TACR1: variants seen among roughly 807,000 people sequenced by gnomAD.
TACR1 encodes tachykinin receptor 1.
A neutral mutation model predicts 35.8 loss-of-function variants in TACR1; 25 were observed. The observed-to-expected ratio is 0.70, with a 90% CI of 0.51 to 0.98. The LOEUF is 0.98. TACR1 is among the 50% of genes least tolerant of loss of function. The pLI is 0.00. For missense variants in TACR1, 478 were observed against 522.9 expected (o/e 0.91, Z 0.84); for synonymous variants, 195 against 206.7 (o/e 0.94, Z 0.48).
At position 75,199,409 on chromosome 2, in the gene TACR1, A is replaced by G. The variant is rs116594902; in HGVS notation, c.-475T>C. The G allele has an allele frequency of 4.2e-4, 67 of 157,828 alleles. No individual in the cohort carries two copies. Among genetic ancestry groups the G allele is most frequent in the African/African-American group, 1.5e-3 (63 of 41,632 alleles). 9.8% of individuals were successfully genotyped at this position (157,828 alleles called of 1,614,324 possible). ...CGCGACCTGTAAAAGTTCTGAGCCT[A>G]TGGCCAGGATTCTGGAGCTTCGTAT... On this transcript the variant is annotated 5_prime_UTR_variant, in exon 1 of 5. Transcript: ENST00000305249.
rs760629132 is a variant in TACR1, at chr2:75,051,276, TG to T, written c.906del (p.Ile303SerfsTer34). On this transcript the variant is annotated frameshift_variant, in exon 4 of 5. Transcript: ENST00000305249. LOFTEE classifies it high-confidence loss of function. ...WLAMSSTMYN[P>X]IIYCCLNDRF... ...CTGTCATTGAGGCAGCAGTAGATGATGGGGTTGTACATGGTGGAGCTCATGG... is the reference window on the plus strand; with the variant it reads ...CTGTCATTGAGGCAGCAGTAGATGATGGGTTGTACATGGTGGAGCTCATGG... 2 of 1,614,132 alleles carry T rather than the reference TG, an allele frequency of 1.2e-6. No homozygotes were observed. The highest frequency in any genetic ancestry group is 1.3e-5 in the African/African-American group (1 of 75,026).
At chr2:75,059,865 A>G (rs757011248) in intron 2 of TACR1, among the ~76,000 whole-genome samples, 1 of 152,146 alleles carries the variant, frequency 6.6e-6, no homozygotes, top group Non-Finnish European at 1.5e-5. Context: ...TTCTCACAGC[A>G]TGGTGCTAGA....
chr2:75,061,974 T>G (rs561545622), intron 2 of TACR1, among the ~76,000 whole-genome samples: 2 of 152,304 alleles, frequency 1.3e-5, no homozygotes, highest in South Asian at 4.1e-4. Context: ...GATTAAATGT[T>G]CCTTCTAGGC....
Position 75,051,335 on chromosome 2 carries a change from A to T in TACR1, c.848T>A (p.Ile283Asn). Reference protein sequence around the residue: ...INPDLYLKKFIQQVYLAIMWL... With the variant: ...INPDLYLKKFNQQVYLAIMWL... ...CATGATGGCCAGGTAGACCTGCTGG[A>T]TAAACTTCTTCAGGTAGAGATCTGG... Residue 283 changes from isoleucine to asparagine, a missense_variant, in exon 4 of 5, where the codon ATC becomes AAC. By Grantham distance (149) the Ile-to-Asn change is moderately radical. Transcript: ENST00000305249. 1 of 1,614,204 alleles carries T rather than the reference A, an allele frequency of 6.2e-7. No homozygotes were observed. Among genetic ancestry groups the T allele is most frequent in the Non-Finnish European group, 8.5e-7 (1 of 1,180,026 alleles).
At chr2:75,190,746 A>C (rs1675823387) in intron 1 of TACR1, among the ~76,000 whole-genome samples, 2 of 152,208 alleles carry the variant, frequency 1.3e-5, no homozygotes. Context: ...GCATATGTAC[A>C]CATAGCTACT....
At chr2:75,091,226 A>AG (rs1673305884) in intron 2 of TACR1, among the ~76,000 whole-genome samples, 1 of 146,364 alleles carries the variant, frequency 6.8e-6, no homozygotes, top group South Asian at 2.2e-4. Context: ...AAAAAAAAAA[A>AG]TCTCCCCTGA....
chr2:75,053,838 A>G, intron 2 of TACR1, 83 bp from the exon 3 acceptor site: 1 of 1,553,832 alleles, frequency 6.4e-7, no homozygotes. Flanking sequence ...ATTGCAGTCA[A>G]GGTTTGGCAG....
At chr2:75,088,737 G>A (rs1255025207) in intron 2 of TACR1, among the ~76,000 whole-genome samples, 1 of 152,022 alleles carries the variant, frequency 6.6e-6, no homozygotes, top group Non-Finnish European at 1.5e-5. Context: ...GGGTTTAGGC[G>A]GATCGGTGAC....
intron 2 of TACR1, among the ~76,000 whole-genome samples, chr2:75,111,103 ATATAT>A (rs1346145504): frequency 1.3e-5 from 2 of 151,884 alleles, no homozygotes; most frequent in Admixed American, 1.3e-4. Flanking sequence ...AGTTTTTCTC[ATATAT>A]TATAATCTTT....
chr2:75,149,750 G>T (rs1370650733), intron 1 of TACR1, among the ~76,000 whole-genome samples: 2 of 152,132 alleles, frequency 1.3e-5, no homozygotes, highest in Non-Finnish European at 2.9e-5. Context: ...TTGCCTGATT[G>T]CCCTGGCCAG....
At chr2:75,160,244 A>G (rs933908866) in intron 1 of TACR1, among the ~76,000 whole-genome samples, 1 of 105,222 alleles carries the variant, frequency 9.5e-6, no homozygotes, top group South Asian at 3.0e-4. Context: ...GAATGAGTAA[A>G]TAGAAAAAAA....
intron 1 of TACR1, among the ~76,000 whole-genome samples, chr2:75,139,233 G>A (rs1674354792): frequency 6.6e-6 from 1 of 152,148 alleles, no homozygotes; most frequent in African/African-American, 2.4e-5. Context: ...TGCTCCATCA[G>A]TCAGGTATTA....
intron 1 of TACR1, among the ~76,000 whole-genome samples, chr2:75,180,658 T>A (rs1675539861): frequency 6.6e-6 from 1 of 152,166 alleles, no homozygotes; most frequent in Non-Finnish European, 1.5e-5. Context: ...CAGAGCTGAG[T>A]GGCCCCAGTC....
intron 3 of TACR1, 93 bp from the exon 4 acceptor site, chr2:75,051,540 A>G: frequency 6.4e-7 from 1 of 1,557,060 alleles, no homozygotes; most frequent in East Asian, 2.4e-5. Flanking sequence ...TGTGCACAGT[A>G]TGGGATGAAG....
At chr2:75,156,606 A>G (rs74397877) in intron 1 of TACR1, among the ~76,000 whole-genome samples, 1 of 138,356 alleles carries the variant, frequency 7.2e-6, no homozygotes, top group African/African-American at 2.5e-5. Context: ...CCGTCTCAAA[A>G]AAAAAAAAAA....
At chr2:75,073,116 G>C (rs1672914328) in intron 2 of TACR1, among the ~76,000 whole-genome samples, 1 of 152,122 alleles carries the variant, frequency 6.6e-6, no homozygotes, top group Admixed American at 6.5e-5. Context: ...CACAGGAATA[G>C]GGACCCGGTG....
At chr2:75,152,442 C>A (rs1191708604) in intron 1 of TACR1, among the ~76,000 whole-genome samples, 2 of 152,194 alleles carry the variant, frequency 1.3e-5, no homozygotes, top group Non-Finnish European at 2.9e-5. Context: ...GCTTCTTCCT[C>A]ATTTTCTTTT....
chr2:75,169,914 A>G (rs779090080), intron 1 of TACR1, among the ~76,000 whole-genome samples: 1 of 151,974 alleles, frequency 6.6e-6, no homozygotes, highest in African/African-American at 2.4e-5. Context: ...TTTCTTCTAC[A>G]TGACAAATTT....
chr2:75,101,970 AAAAAT>A (rs957003916), intron 2 of TACR1, among the ~76,000 whole-genome samples: 6 of 152,134 alleles, frequency 3.9e-5, no homozygotes, highest in African/African-American at 1.4e-4. Context: ...AAAAAAATAA[AAAAAT>A]AAAAATAAAG....
Sources: gnomAD v4.1 joint callset for allele counts (sites outside exome capture counted in the v4.1 genomes callset) on GRCh38, gnomAD v4.1.1 for gene constraint, MANE v1.5 for transcripts, NCBI Gene and HGNC (gene_info 2026-07-23, HGNC 2026-07-21) for gene names.